SNX31: variants seen among roughly 807,000 people sequenced by gnomAD.
The protein encoded by SNX31 is sorting nexin-31.
SNX31 carries 58 observed loss-of-function variants against 65.4 expected under a neutral mutation model. The ratio of observed to expected loss-of-function variants is 0.89; its 90% CI spans 0.72 to 1.10. SNX31 has a LOEUF of 1.10. Among genes scored for constraint, SNX31 ranks in the 50% least tolerant of loss-of-function variants. SNX31 has a pLI of 0.00. For synonymous variants in SNX31, 181 were observed against 190.1 expected (o/e 0.95, Z 0.39); for missense variants, 523 against 529.7 (o/e 0.99, Z 0.12).
chr8:100,637,339 G>C (rs1351829771), intron 2 of SNX31, among the ~76,000 whole-genome samples: 1 of 152,162 alleles, frequency 6.6e-6, no homozygotes, highest in East Asian at 1.9e-4. Flanking sequence ...TTTTGACATG[G>C]TACCTCTAGA....
chr8:100,645,992 T>C (rs867897881), intron 2 of SNX31, among the ~76,000 whole-genome samples: 30 of 152,134 alleles, frequency 2.0e-4, no homozygotes, highest in African/African-American at 6.8e-4. Context: ...AACAAAATCC[T>C]GTGTCTGGAA....
rs987050386 is a variant in SNX31, at chr8:100,626,633, A to G, written c.321+3694T>C. ...ATGTGTCAGCAAACAGCTAGCTCAC[A>G]ACAGCAGCCTGTTTCAAAGTTGATT... On this transcript the variant is annotated intron_variant, in intron 4 of 13. Transcript: ENST00000311812. The surrounding 1 kb of genome is among the most constrained non-coding windows in gnomAD (Gnocchi z 4.4). 4.6e-5 allele frequency among the ~76,000 whole-genome samples: 7 copies of G among 152,334 alleles called. No individual in the cohort carries two copies. The highest frequency in any genetic ancestry group is 1.7e-4 in the African/African-American group (7 of 41,582).
In SNX31 at chr8:100,606,157, C is replaced by G. The variant is rs558943894; in HGVS notation, c.681+2337G>C. Among the ~76,000 whole-genome samples the G allele has an allele frequency of 8.9e-4, 135 of 152,202 alleles. 1 individual carries two copies. Among genetic ancestry groups the G allele is most frequent in the African/African-American group, 3.1e-3 (129 of 41,526 alleles). ...TCAAGCCATCCTCCTACCTCAGCCT[C>G]CTGAGTAGCTGGGACCACAGGCACA... On this transcript the variant is annotated intron_variant, in intron 8 of 13. Coordinates refer to ENST00000311812, the MANE Select transcript of SNX31 (RefSeq NM_152628.4).
Position 100,610,999 on chromosome 8 carries a change from A to G in SNX31, c.611+1001T>C, listed in dbSNP as rs1283995549. On this transcript the variant is annotated intron_variant, in intron 7 of 13. Transcript: ENST00000311812. This position sits in a 1 kb window ranked among gnomAD's most constrained non-coding sequence, Gnocchi z 4.0. ...CTGCAGGTTATAGGACTGGGGGTGCATAAGGTCCTGCTGCTCAGCGCTATT... is the reference window on the plus strand; with the variant it reads ...CTGCAGGTTATAGGACTGGGGGTGCGTAAGGTCCTGCTGCTCAGCGCTATT... Among the ~76,000 whole-genome samples, 2 of 152,226 alleles carry G rather than the reference A, an allele frequency of 1.3e-5. No individual in the cohort carries two copies. The highest frequency in any genetic ancestry group is 2.1e-4 in the South Asian group (1 of 4,834).
rs755176108 is a variant in SNX31 at position 100,584,101 on chromosome 8, G to A, written c.1170+10C>T. 1.9e-6 allele frequency: 3 copies of A among 1,600,838 alleles called. No individual in the cohort carries two copies. Among genetic ancestry groups the A allele is most frequent in the African/African-American group, 2.7e-5 (2 of 73,768 alleles). On this transcript the variant is annotated intron_variant, in intron 12 of 13. Transcript: ENST00000311812. ...TAAAGTGAAAAATAGACACAGATAA[G>A]AGCACTCACCATTTCTGTATTCTCA... is the stretch of plus-strand genomic sequence containing the variant.
At chr8:100,638,714 G>A (rs142827440) in intron 2 of SNX31, among the ~76,000 whole-genome samples, 3 of 152,266 alleles carry the variant, frequency 2.0e-5, no homozygotes, top group Admixed American at 6.5e-5. Context: ...ATAATCCAGC[G>A]ATAAATACCC....
At position 100,649,461 on chromosome 8, in the gene SNX31, C is replaced by A. The variant is rs537854541; in HGVS notation, c.54G>T (p.Gly18=). ...GCCCTGGGCGCACCACGTAGCGGCC[C>A]CCCAGCGCGTCGGACCGCTGCTGGG... ...PVSQQRSDAL[G]GRYVLYSVHL... is the part of the protein sequence containing the mutation. The change falls in exon 1 of 14, where the codon GGG becomes GGT. Residue 18 remains glycine (G), a synonymous_variant. Coordinates refer to ENST00000311812, the MANE Select transcript of SNX31 (RefSeq NM_152628.4). The A allele has an allele frequency of 1.3e-6, 2 of 1,588,608 alleles. No homozygotes were observed. Among genetic ancestry groups the A allele is most frequent in the Non-Finnish European group, 8.6e-7 (1 of 1,168,242 alleles).
At chr8:100,582,748 C>A (rs569823331) in intron 12 of SNX31, among the ~76,000 whole-genome samples, 2 of 151,908 alleles carry the variant, frequency 1.3e-5, no homozygotes, top group South Asian at 2.1e-4. Context: ...GAGGCCGAGG[C>A]GGGCGGATCA....
intron 8 of SNX31, among the ~76,000 whole-genome samples, chr8:100,602,201 G>T (rs981938215): frequency 5.3e-5 from 8 of 152,212 alleles, no homozygotes; most frequent in Non-Finnish European, 1.0e-4. Flanking sequence ...ACCTTAGTCT[G>T]AACATAAGCC....
chr8:100,615,808 C>T (rs573647205), intron 5 of SNX31, among the ~76,000 whole-genome samples: 5 of 152,276 alleles, frequency 3.3e-5, no homozygotes, highest in African/African-American at 7.2e-5. Flanking sequence ...CTTGCTCTGT[C>T]GCCCAGGCTG....
At chr8:100,619,931 G>A (rs765361033) in intron 4 of SNX31, 2 of 152,206 alleles carry the variant, frequency 1.3e-5, no homozygotes, top group Non-Finnish European at 2.9e-5. Flanking sequence ...AGTGCAGGTG[G>A]GAGCGGCCGG....
In SNX31 at chr8:100,614,207, A is replaced by G. The variant is rs1333149669; in HGVS notation, c.433-1122T>C. Among the ~76,000 whole-genome samples the G allele has an allele frequency of 3.3e-5, 5 of 152,186 alleles. No individual in the cohort carries two copies. The highest frequency in any genetic ancestry group is 1.2e-4 in the African/African-American group (5 of 41,440). ...CTCTTTCCCCCATGTTTTGGGCTGC[A>G]AAACACCCAAAAGCCAAACACAGTG... On this transcript the variant is annotated intron_variant, in intron 5 of 13. Coordinates refer to ENST00000311812, the MANE Select transcript of SNX31 (RefSeq NM_152628.4). The surrounding 1 kb of genome is among the most constrained non-coding windows in gnomAD (Gnocchi z 5.1).
At chr8:100,654,378 C>T (rs528074937), upstream of SNX31, among the ~76,000 whole-genome samples, 2 of 152,212 alleles carry the variant, frequency 1.3e-5, no homozygotes, top group South Asian at 2.1e-4. Flanking sequence ...ATAACTCACC[C>T]GAAGTCACAC....
chr8:100,639,073 C>T (rs1281472030), intron 2 of SNX31, among the ~76,000 whole-genome samples: 1 of 152,126 alleles, frequency 6.6e-6, no homozygotes, highest in Admixed American at 6.5e-5. Flanking sequence ...ATAACTGAAA[C>T]ACATGGAGTT....
Position 100,615,473 on chromosome 8 carries a change from C to T in SNX31, c.432+2147G>A, listed in dbSNP as rs537318759. Among the ~76,000 whole-genome samples, 6 of 152,336 alleles carry T rather than the reference C, an allele frequency of 3.9e-5. No homozygotes were observed. The South Asian group carries it at 8.3e-4, about 21-fold the overall frequency. ...GTAAAGTAACTTACCCAAATTCACA[C>T]AGCCCTTACACAGCAACACTGTGCA... On this transcript the variant is annotated intron_variant, in intron 5 of 13. Coordinates refer to ENST00000311812, the MANE Select transcript of SNX31 (RefSeq NM_152628.4).
chr8:100,590,469 G>A (rs1338340304), intron 10 of SNX31, among the ~76,000 whole-genome samples: 1 of 152,104 alleles, frequency 6.6e-6, no homozygotes, highest in African/African-American at 2.4e-5. Flanking sequence ...ATATCGGTCT[G>A]GCAGCATCAG....
intron 12 of SNX31, among the ~76,000 whole-genome samples, chr8:100,577,459 A>G (rs1459941294): frequency 6.6e-6 from 1 of 152,260 alleles, no homozygotes; most frequent in Non-Finnish European, 1.5e-5. Flanking sequence ...AAAAGCCACC[A>G]TTAATCAAAC....
chr8:100,612,019 T>TA lies in SNX31; in HGVS notation c.591dup (p.Lys198Ter), dbSNP rs1182881706. 2.5e-6 allele frequency: 4 copies of TA among 1,614,124 alleles called. No homozygotes were observed. The highest frequency in any genetic ancestry group is 3.4e-6 in the Non-Finnish European group (4 of 1,179,984). Reference sequence around the variant, plus strand: ...ACTTACCACTTTCGGAGTCCAACCTTACAGTTTTCCACCTCAGAACTTCCA... The same window carrying TA: ...ACTTACCACTTTCGGAGTCCAACCTTAACAGTTTTCCACCTCAGAACTTCCA... On this transcript the variant is annotated frameshift_variant, in exon 7 of 14. Transcript: ENST00000311812. LOFTEE classifies it high-confidence loss of function. The surrounding 1 kb of genome is among the most constrained non-coding windows in gnomAD (Gnocchi z 4.3).
chr8:100,653,441 A>T (rs1206441849), upstream of SNX31, among the ~76,000 whole-genome samples: 1 of 152,200 alleles, frequency 6.6e-6, no homozygotes, highest in African/African-American at 2.4e-5. Flanking sequence ...GCAGCTCCAC[A>T]TCCAATTAGC....
Sources: allele counts gnomAD v4.1 joint callset (sites outside exome capture counted in the v4.1 genomes callset), GRCh38; gene constraint gnomAD v4.1.1; non-coding constraint Gnocchi (gnomAD v3.1); transcripts MANE v1.5; gene names NCBI Gene and HGNC (gene_info 2026-07-23, HGNC 2026-07-21).